The following TLR8 variants were observed in gnomAD, a reference collection of about 807,000 sequenced individuals.
TLR8 encodes toll-like receptor 8.
Under a neutral mutation model 18.5 loss-of-function variants are expected in TLR8, and 5 were observed. The observed-to-expected ratio is 0.27, with a 90% CI of 0.14 to 0.57. The LOEUF (loss-of-function observed/expected upper bound fraction) is 0.57, where lower values mean the gene tolerates loss of function less well. Ranked by LOEUF, TLR8 falls within the 20% of genes least tolerant of loss-of-function variation. The probability of loss-of-function intolerance (pLI) is 0.92; values close to 1 mark genes in which losing one functional copy is unlikely to be tolerated. For synonymous variants in TLR8, 299 were observed against 300.1 expected, an observed-to-expected ratio of 1.00 and a Z score of 0.04; for missense variants, 543 against 769.8, an observed-to-expected ratio of 0.71 and a Z score of 3.49.
At chrX:12,918,489 G>A (rs1450329651) in intron 1 of TLR8, among the ~76,000 whole-genome samples, 2 of 111,242 alleles carry the variant, frequency 1.8e-5, no homozygotes, top group Non-Finnish European at 3.8e-5. Context: ...AAGCTTCCCA[G>A]GTCTTCTCAT....
rs187865112 is a variant in TLR8, at chrX:12,907,724, T to G, written c.3+1015T>G. ...GTATTTTTAGTAGAGACGGGGTTTC[T>G]CCATGTTGGCCAGGCTGGTCTCGAA... On this transcript the variant is annotated intron_variant, in intron 1 of 1. Transcript: ENST00000218032. Among the ~76,000 whole-genome samples the G allele has an allele frequency of 1.7e-3, 191 of 110,034 alleles. 1 individual carries two copies. Among genetic ancestry groups the G allele is most frequent in the African/African-American group, 6.0e-3 (182 of 30,242 alleles).
In TLR8 at chrX:12,920,027, T is replaced by C. The variant is rs1602456223; in HGVS notation, c.987T>C (p.Ser329=). Residue 329 remains serine, a synonymous_variant, in exon 2 of 2, where the codon TCT becomes TCC. Coordinates refer to ENST00000218032, the MANE Select transcript of TLR8 (RefSeq NM_138636.5). The stretch of plus-strand genomic sequence containing the variant: ...ACTATTTAGTGGGAGAAATAGCCTC[T>C]GGGGCATTTTTAACGATGCTGCCCC... ...EFNYLVGEIA[S]GAFLTMLPRL... The C allele has an allele frequency of 8.3e-7, 1 of 1,211,788 alleles. No homozygotes were observed. Among genetic ancestry groups the C allele is most frequent in the Non-Finnish European group, 1.1e-6 (1 of 895,443 alleles).
chrX:12,916,466 G>C (rs2043056379), intron 1 of TLR8, among the ~76,000 whole-genome samples: 1 of 111,550 alleles, frequency 9.0e-6, no homozygotes, highest in Non-Finnish European at 1.9e-5. Context: ...CATTGCCTGT[G>C]GCGTCTCCCT....
At chrX:12,913,691 TC>T (rs1342396063) in intron 1 of TLR8, among the ~76,000 whole-genome samples, 1 of 112,478 alleles carries the variant, frequency 8.9e-6, no homozygotes. Context: ...TGAGGGTGTG[TC>T]TTTAGGATCT....
chrX:12,922,257 C>A lies in TLR8; in HGVS notation c.*91C>A. The A allele has an allele frequency of 9.3e-7, 1 of 1,075,075 alleles. No homozygotes were observed. Among genetic ancestry groups the A allele is most frequent in the Non-Finnish European group, 1.2e-6 (1 of 811,629 alleles). The allele number at this position is 1,075,075 out of a possible 1,213,427, so 88.6% of individuals were successfully genotyped here. On this transcript the variant is annotated 3_prime_UTR_variant, in exon 2 of 2. Transcript: ENST00000218032. ...ATCTATTGCTATGTAACAAATTATCCCAAAACTTAGTGGTTTAAAACAACA... is the reference window on the plus strand; with the variant it reads ...ATCTATTGCTATGTAACAAATTATCACAAAACTTAGTGGTTTAAAACAACA...
At chrX:12,915,878 T>G (rs2043051501) in intron 1 of TLR8, among the ~76,000 whole-genome samples, 1 of 108,285 alleles carries the variant, frequency 9.2e-6, no homozygotes, top group African/African-American at 3.5e-5. Context: ...CAGGTTTCAC[T>G]CCTTTTTTTT....
chrX:12,911,911 C>T, intron 1 of TLR8, among the ~76,000 whole-genome samples: 1 of 112,671 alleles, frequency 8.9e-6, no homozygotes, highest in Non-Finnish European at 1.9e-5. Flanking sequence ...CACCTGCTTT[C>T]CATTTTGCTA....
At chrX:12,914,545 C>T (rs185352944) in intron 1 of TLR8, among the ~76,000 whole-genome samples, 1 of 111,825 alleles carries the variant, frequency 8.9e-6, no homozygotes, top group African/African-American at 3.2e-5. Flanking sequence ...TCTTCCTGCT[C>T]AGTGAATGAC....
At chrX:12,910,119 C>G (rs1039730661) in intron 1 of TLR8, among the ~76,000 whole-genome samples, 3 of 112,178 alleles carry the variant, frequency 2.7e-5, no homozygotes, top group Admixed American at 9.4e-5. Flanking sequence ...ACCTGCATAA[C>G]CATTTCTTAA....
Position 12,921,984 on chromosome X carries a change from C to T in TLR8, c.2944C>T (p.Pro982Ser), listed in dbSNP as rs1298391776. 1 of 1,211,555 alleles carries T rather than the reference C, an allele frequency of 8.3e-7. No individual in the cohort carries two copies. The change falls in exon 2 of 2, where the codon CCA becomes TCA. Residue 982 changes from proline (P) to serine (S), a missense_variant. Pro to Ser is a moderately conservative substitution (Grantham distance 74). Around this residue, in one of 4 missense-constraint regions of TLR8, gnomAD observed 227 missense variants for 312.9 expected, o/e 0.73. Transcript: ENST00000218032. ...MDVIIFILLE[P>S]VLQHSQYLRL... is the part of the protein sequence containing the mutation. ...TGTGATTATATTTATCCTGCTGGAG[C>T]CAGTGTTACAGCATTCTCAGTATTT...
At chrX:12,915,434 G>A (rs1368860589) in intron 1 of TLR8, among the ~76,000 whole-genome samples, 2 of 112,765 alleles carry the variant, frequency 1.8e-5, no homozygotes, top group East Asian at 2.8e-4. Context: ...CCAAACTGCT[G>A]GGATTACAGG....
In TLR8 at chrX:12,921,301, C is replaced by T; in HGVS notation, c.2261C>T (p.Ser754Phe). The T allele has an allele frequency of 2.5e-6, 3 of 1,211,597 alleles. No homozygotes were observed. The highest frequency in any genetic ancestry group is 3.4e-6 in the Non-Finnish European group (3 of 895,481). Residue 754 changes from serine to phenylalanine, a missense_variant, in exon 2 of 2, where the codon TCC becomes TTC. Coordinates refer to ENST00000218032, the MANE Select transcript of TLR8 (RefSeq NM_138636.5). ...SSNLLKTINKSALETKTTTKL... is the reference protein window; with the variant it reads ...SSNLLKTINKFALETKTTTKL... ...AATCTGCTAAAAACAATCAACAAAT[C>T]CGCACTTGAAACTAAGACCACCACC...
chrX:12,909,504 G>A (rs1402845761), intron 1 of TLR8, among the ~76,000 whole-genome samples: 2 of 111,670 alleles, frequency 1.8e-5, no homozygotes, highest in Admixed American at 9.5e-5. Context: ...AGAGCTGCTA[G>A]TTGGTGTGTA....
Position 12,919,934 on chromosome X carries a change from C to T in TLR8, c.894C>T (p.Ser298=), listed in dbSNP as rs780825313. 5.3e-5 allele frequency: 64 copies of T among 1,211,294 alleles called. No homozygotes were observed. Among genetic ancestry groups the T allele is most frequent in the Non-Finnish European group, 6.9e-5 (62 of 895,168 alleles). ...QLRYLNLSST[S]LRKINAAWFK... Reference sequence around the variant, plus strand: ...GATACCTAAACCTCTCTAGCACTTCCCTCAGGAAGATTAATGCTGCCTGGT... The same window carrying T: ...GATACCTAAACCTCTCTAGCACTTCTCTCAGGAAGATTAATGCTGCCTGGT... The change falls in exon 2 of 2, where the codon TCC becomes TCT. Residue 298 remains serine (S), a synonymous_variant. Coordinates refer to ENST00000218032, the MANE Select transcript of TLR8 (RefSeq NM_138636.5).
intron 1 of TLR8, chrX:12,910,189 C>T (rs1372035306): frequency 4.7e-6 from 3 of 632,652 alleles, no homozygotes; most frequent in South Asian, 3.9e-5. Flanking sequence ...CAGAATCCAT[C>T]AAAAATTAGA....
At chrX:12,915,031 T>C (rs991787762) in intron 1 of TLR8, among the ~76,000 whole-genome samples, 1 of 112,366 alleles carries the variant, frequency 8.9e-6, no homozygotes, top group Non-Finnish European at 1.9e-5. Context: ...GATAAGTATA[T>C]GAGGTAATGC....
Position 12,921,271 on chromosome X carries a change from G to A in TLR8, c.2231G>A (p.Ser744Asn). The A allele has an allele frequency of 1.7e-6, 2 of 1,211,540 alleles. No homozygotes were observed. Among genetic ancestry groups the A allele is most frequent in the Non-Finnish European group, 2.2e-6 (2 of 895,459 alleles). ...EVSSLKHLDL[S>N]SNLLKTINKS... ...AGTAGTCTGAAGCACCTCGATTTAA[G>A]TTCCAATCTGCTAAAAACAATCAAC... Residue 744 changes from serine to asparagine, a missense_variant, in exon 2 of 2, where the codon AGT (serine) becomes AAT (asparagine). This residue lies in a region of TLR8 where 227 missense variants were observed against 312.9 expected (regional missense o/e 0.73). Coordinates refer to ENST00000218032, the MANE Select transcript of TLR8 (RefSeq NM_138636.5).
At position 12,912,061 on chromosome X, in the gene TLR8, A is replaced by ACTCT. The variant is rs780002246; in HGVS notation, c.3+5353_3+5356dup. 6.8e-3 allele frequency among the ~76,000 whole-genome samples: 735 copies of ACTCT among 107,518 alleles called. 9 individuals carry two copies. The highest frequency in any genetic ancestry group is 0.024 in the African/African-American group (702 of 29,430). 93.4% of individuals were successfully genotyped at this position (107,518 alleles called of 115,157 possible). A position where few individuals can be genotyped will look rare whatever the true frequency, so the allele number is the denominator to read the frequency against. ...CAACAGAAGTTGGTTGTGCTCTCTC[A>ACTCT]CTCTTTCTTTCTCTCTCTCTCTCTT... On this transcript the variant is annotated intron_variant, in intron 1 of 1. Transcript: ENST00000218032.
chrX:12,910,987 G>C (rs978501671), intron 1 of TLR8, among the ~76,000 whole-genome samples: 7 of 108,364 alleles, frequency 6.5e-5, no homozygotes, highest in African/African-American at 2.0e-4. Flanking sequence ...TTTCTTTAAA[G>C]AAGTGGGTTT....
Sources: allele counts gnomAD v4.1 joint callset (sites outside exome capture counted in the v4.1 genomes callset), GRCh38; gene constraint gnomAD v4.1.1; regional missense constraint gnomAD v4.1.1; transcripts MANE v1.5; gene names NCBI Gene and HGNC (gene_info 2026-07-23, HGNC 2026-07-21).